MTAP: variants seen among roughly 807,000 people sequenced by gnomAD.
The protein encoded by MTAP is S-methyl-5'-thioadenosine phosphorylase.
A neutral mutation model predicts 33.6 loss-of-function variants in MTAP; 33 were observed. The ratio of observed to expected loss-of-function variants is 0.98; its 90% CI spans 0.74 to 1.31. The LOEUF (loss-of-function observed/expected upper bound fraction) is 1.31. MTAP is among the 40% of genes most tolerant of loss of function. The pLI is 0.00. For missense variants in MTAP, 367 were observed against 360.0 expected, an observed-to-expected ratio of 1.02 and a Z score of -0.16; for synonymous variants, 148 against 125.7, an observed-to-expected ratio of 1.18 and a Z score of -1.19.
At chr9:21,822,845 G>T (rs940603149) in intron 4 of MTAP, among the ~76,000 whole-genome samples, 8 of 152,138 alleles carry the variant, frequency 5.3e-5, no homozygotes, top group Non-Finnish European at 7.4e-5. Flanking sequence ...AGGATAGTTG[G>T]CTCTTCTTGT....
At chr9:21,829,693 G>A (rs980461214) in intron 4 of MTAP, among the ~76,000 whole-genome samples, 1 of 151,596 alleles carries the variant, frequency 6.6e-6, no homozygotes, top group Admixed American at 6.6e-5. Flanking sequence ...TTAATAATAC[G>A]GCTATTCTTA....
chr9:21,832,844 A>G (rs1825008443), intron 4 of MTAP, among the ~76,000 whole-genome samples: 2 of 152,118 alleles, frequency 1.3e-5, no homozygotes, highest in African/African-American at 2.4e-5. Flanking sequence ...GGCCCTTACT[A>G]TGTTTCTGGC....
chr9:21,931,196 C>G (rs548893427), exon 2 of MTAP: 55 of 730,234 alleles, frequency 7.5e-5, no homozygotes, highest in South Asian at 7.5e-4. Flanking sequence ...GCCCTGACAG[C>G]TAGCAAGAGG....
intron 1 of MTAP, among the ~76,000 whole-genome samples, chr9:21,911,537 C>T (rs1818576652): frequency 2.6e-5 from 4 of 152,082 alleles, no homozygotes; most frequent in African/African-American, 4.8e-5. Flanking sequence ...CTACTGGGTA[C>T]ATAACGAAAT....
At chr9:21,876,417 G>C (rs758643742) in intron 1 of MTAP, among the ~76,000 whole-genome samples, 8 of 152,036 alleles carry the variant, frequency 5.3e-5, no homozygotes, top group Non-Finnish European at 7.4e-5. Flanking sequence ...GATAGCTTTT[G>C]GTATCTTTGT....
At chr9:21,878,778 G>T (rs1324203662) in intron 1 of MTAP, among the ~76,000 whole-genome samples, 1 of 152,136 alleles carries the variant, frequency 6.6e-6, no homozygotes, top group Non-Finnish European at 1.5e-5. Flanking sequence ...TAGTTTCAAG[G>T]AACTTCTTGA....
At chr9:21,850,022 C>G (rs1825474093) in intron 5 of MTAP, among the ~76,000 whole-genome samples, 1 of 152,230 alleles carries the variant, frequency 6.6e-6, no homozygotes, top group Non-Finnish European at 1.5e-5. Context: ...ATCAACTCTT[C>G]AGTTTTGTGT....
chr9:21,939,468 CA>C (rs1174351800), downstream of MTAP, among the ~76,000 whole-genome samples: 1 of 152,140 alleles, frequency 6.6e-6, no homozygotes, highest in Non-Finnish European at 1.5e-5. Context: ...AGAAAAGAAG[CA>C]TATACTTTCT....
intron 4 of MTAP, among the ~76,000 whole-genome samples, chr9:21,835,611 C>T (rs1386325185): frequency 6.6e-6 from 1 of 152,124 alleles, no homozygotes; most frequent in Non-Finnish European, 1.5e-5. Flanking sequence ...AGGCTTCTTG[C>T]TGAGTTATAA....
downstream of MTAP, chr9:21,932,166 T>C (rs924175725): frequency 1.3e-5 from 2 of 152,254 alleles, no homozygotes; most frequent in Non-Finnish European, 2.9e-5. Context: ...GAGAAAATTA[T>C]GGCAGTAGGG....
chr9:21,873,128 G>A (rs984675533), intron 1 of MTAP, among the ~76,000 whole-genome samples: 2 of 152,106 alleles, frequency 1.3e-5, no homozygotes, highest in Non-Finnish European at 2.9e-5. Flanking sequence ...AAAGTACCTA[G>A]GATGGAAGGG....
chr9:21,818,290 G>A (rs1824535374), intron 4 of MTAP, 88 bp downstream of exon 4: 1 of 1,044,622 alleles, frequency 9.6e-7, no homozygotes, highest in Non-Finnish European at 1.4e-6. Context: ...CAGGGCAACT[G>A]GGAGGGCAGT....
chr9:21,854,853 A>G lies in MTAP; in HGVS notation c.673A>G (p.Lys225Glu), dbSNP rs1457496975. The stretch of plus-strand genomic sequence containing the variant: ...CATGGCGACAGATTATGACTGCTGG[A>G]AGGAGCACGAGGAAGCAGTAGGTGG... The part of the protein sequence containing the change: ...IAMATDYDCW[K>E]EHEEAVSVDR... Residue 225 changes from lysine (K) to glutamate (E), a missense_variant, in exon 6 of 8, where the codon AAG becomes GAG. Lys to Glu is a moderately conservative substitution (Grantham distance 56). Transcript: ENST00000644715. 2 of 1,613,956 alleles carry G rather than the reference A, an allele frequency of 1.2e-6. No individual in the cohort carries two copies. The highest frequency in any genetic ancestry group is 2.7e-5 in the African/African-American group (2 of 74,914).
intron 5 of MTAP, 85 bp downstream of exon 5, chr9:21,838,095 G>C: frequency 9.4e-7 from 1 of 1,066,724 alleles, no homozygotes; most frequent in Non-Finnish European, 1.4e-6. Context: ...GGCAGAGCGA[G>C]TGGCCCCATA....
Position 21,864,271 on chromosome 9 carries a change from A to T in MTAP, c.*2257A>T, listed in dbSNP as rs1587259761. On this transcript the variant is annotated 3_prime_UTR_variant, in exon 8 of 8. Coordinates refer to ENST00000644715, the MANE Select transcript of MTAP (RefSeq NM_002451.4). ...TTCACTCCTTATGCAAAGCCAATAT[A>T]ATTTTCCTCATACCTTATGCTTGAG... 2.0e-5 allele frequency: 20 copies of T among 985,380 alleles called. No homozygotes were observed. The highest frequency in any genetic ancestry group is 2.4e-5 in the Non-Finnish European group (20 of 829,900). 61.0% of individuals were successfully genotyped at this position (985,380 alleles called of 1,614,324 possible). A position where few individuals can be genotyped will look rare whatever the true frequency, so the allele number is the denominator to read the frequency against.
At position 21,862,073 on chromosome 9, in the gene MTAP, C is replaced by T; in HGVS notation, c.*59C>T. The T allele has an allele frequency of 1.2e-6, 2 of 1,608,334 alleles. No homozygotes were observed. Among genetic ancestry groups the T allele is most frequent in the Non-Finnish European group, 8.5e-7 (1 of 1,178,154 alleles). On this transcript the variant is annotated 3_prime_UTR_variant, in exon 8 of 8. Coordinates refer to ENST00000644715, the MANE Select transcript of MTAP (RefSeq NM_002451.4). ...TCTAATTCCAGTCATTTTGGGAATT[C>T]CTGCTTAACTTGAAAAAAATATGGG...
At chr9:21,843,642 A>G (rs180771548) in intron 5 of MTAP, among the ~76,000 whole-genome samples, 2 of 152,326 alleles carry the variant, frequency 1.3e-5, no homozygotes, top group African/African-American at 4.8e-5. Flanking sequence ...CTGCTCCTGA[A>G]TGATCTTTAG....
downstream of MTAP, among the ~76,000 whole-genome samples, chr9:21,867,504 A>G (rs956978491): frequency 1.4e-4 from 21 of 152,054 alleles, no homozygotes; most frequent in African/African-American, 4.8e-4. Context: ...CCTGATATAA[A>G]CCATACTTAG....
chr9:21,879,919 G>A (rs528051976), intron 1 of MTAP, among the ~76,000 whole-genome samples: 2 of 152,100 alleles, frequency 1.3e-5, no homozygotes, highest in South Asian at 4.1e-4. Flanking sequence ...ACCTGATGGG[G>A]CTCCTTTTGT....
Sources: allele counts gnomAD v4.1 joint callset (sites outside exome capture counted in the v4.1 genomes callset), GRCh38; gene constraint gnomAD v4.1.1; transcripts MANE v1.5; gene names NCBI Gene and HGNC (gene_info 2026-07-23, HGNC 2026-07-21).